DYDC2: variants seen among roughly 807,000 people sequenced by gnomAD.
DYDC2 encodes the protein DPY30 domain-containing protein 2.
DYDC2 carries 19 observed loss-of-function variants against 18.7 expected under a neutral mutation model. The ratio of observed to expected loss-of-function variants is 1.02; its 90% CI spans 0.71 to 1.49. The LOEUF (loss-of-function observed/expected upper bound fraction) is 1.49, where lower values mean the gene tolerates loss of function less well. Ranked by LOEUF, DYDC2 falls within the 40% of genes most tolerant of loss-of-function variation. DYDC2 has a pLI of 0.00. For missense variants in DYDC2, 179 were observed against 205.1 expected (o/e 0.87, Z 0.78); for synonymous variants, 63 against 67.6 (o/e 0.93, Z 0.34).
intron 1 of DYDC2, among the ~76,000 whole-genome samples, chr10:80,347,240 CTATT>C (rs1016153179): frequency 1.6e-5 from 2 of 122,090 alleles, no homozygotes; most frequent in African/African-American, 6.0e-5. Flanking sequence ...GGAGAAATGT[CTATT>C]TAGGTCCTTT....
upstream of DYDC2, chr10:80,356,448 G>A: frequency 1.0e-6 from 1 of 985,352 alleles, no homozygotes; most frequent in East Asian, 1.1e-4. Flanking sequence ...GCAACCTCCC[G>A]GGGCGCTCAG....
chr10:80,361,140 A>G (rs1352290426), intron 2 of DYDC2, among the ~76,000 whole-genome samples: 1 of 151,200 alleles, frequency 6.6e-6, no homozygotes, highest in African/African-American at 2.4e-5. Flanking sequence ...TGGCTGTTCA[A>G]TCTCCTTTGA....
chr10:80,347,648 T>A (rs1221274872), intron 1 of DYDC2, among the ~76,000 whole-genome samples: 2 of 152,194 alleles, frequency 1.3e-5, no homozygotes, highest in African/African-American at 4.8e-5. Context: ...AAGACAAGGA[T>A]CCAGTTTCAT....
intron 4 of DYDC2, 138 bp from the exon 5 acceptor site, chr10:80,366,550 T>C: frequency 9.6e-7 from 1 of 1,040,856 alleles, no homozygotes; most frequent in East Asian, 2.4e-5. Context: ...GGTTTGGTTT[T>C]ATGCTTTGTT....
upstream of DYDC2, among the ~76,000 whole-genome samples, chr10:80,354,031 G>C (rs1843179729): frequency 6.7e-6 from 1 of 149,550 alleles, no homozygotes; most frequent in Non-Finnish European, 1.5e-5. Context: ...CAGGAGAATG[G>C]GGTGAACCTG....
rs779606838 is a variant in DYDC2 at position 80,367,251 on chromosome 10, G to A, written c.*300G>A. ...GTTGGGGTGATCAGACCCAACACCC[G>A]GCCATGGGGGCTACAAAGTCCAGCC... is the stretch of plus-strand genomic sequence containing the variant. On this transcript the variant is annotated 3_prime_UTR_variant, in exon 5 of 5. Coordinates refer to ENST00000256039, the MANE Select transcript of DYDC2 (RefSeq NM_032372.6). 5.4e-5 allele frequency: 13 copies of A among 238,614 alleles called. No individual in the cohort carries two copies. Among genetic ancestry groups the A allele is most frequent in the African/African-American group, 2.0e-4 (9 of 44,102 alleles). 14.8% of individuals were successfully genotyped at this position (238,614 alleles called of 1,614,324 possible). A position where few individuals can be genotyped will look rare whatever the true frequency, so the allele number is the denominator to read the frequency against.
At position 80,367,033 on chromosome 10, in the gene DYDC2, G is replaced by C. The variant is rs1843860137; in HGVS notation, c.*82G>C. 6.6e-7 allele frequency: 1 copy of C among 1,518,488 alleles called. No individual in the cohort carries two copies. Among genetic ancestry groups the C allele is most frequent in the Non-Finnish European group, 8.8e-7 (1 of 1,138,438 alleles). 94.1% of individuals were successfully genotyped at this position (1,518,488 alleles called of 1,614,324 possible). A position where few individuals can be genotyped will look rare whatever the true frequency, so the allele number is the denominator to read the frequency against. On this transcript the variant is annotated 3_prime_UTR_variant, in exon 5 of 5. Coordinates refer to ENST00000256039, the MANE Select transcript of DYDC2 (RefSeq NM_032372.6). Reference sequence around the variant, plus strand: ...TGGCCAGCTAGAACCAAGATTTAAGGGGCTGTAAAAGGCAAGTTCAGGGAC... The same window carrying C: ...TGGCCAGCTAGAACCAAGATTTAAGCGGCTGTAAAAGGCAAGTTCAGGGAC...
intron 4 of DYDC2, 134 bp downstream of exon 4, chr10:80,363,207 G>C (rs1843715436): frequency 1.3e-6 from 1 of 784,572 alleles, no homozygotes. Context: ...ATATGTGCAA[G>C]TATTCACATA....
chr10:80,362,254 A>G (rs1160696250), intron 2 of DYDC2, among the ~76,000 whole-genome samples, 181 bp from the exon 3 acceptor site: 1 of 152,220 alleles, frequency 6.6e-6, no homozygotes. Flanking sequence ...AGGTTGTTTC[A>G]TGGCACAATC....
chr10:80,356,790 T>A lies in DYDC2; in HGVS notation c.-198T>A. 1.0e-6 allele frequency: 1 copy of A among 985,386 alleles called. No homozygotes were observed. The highest frequency in any genetic ancestry group is 1.2e-6 in the Non-Finnish European group (1 of 830,056). The allele number at this position is 985,386 out of a possible 1,614,324, so 61.0% of individuals were successfully genotyped here. A position where few individuals can be genotyped will look rare whatever the true frequency, so the allele number is the denominator to read the frequency against. On this transcript the variant is annotated 5_prime_UTR_variant, in exon 1 of 5. Transcript: ENST00000256039. ...CGAGAGCTCGCGCCTCAGGAGCCAG[T>A]GTAGGCGCCGCAAAGCGGAAGGGGC...
Position 80,363,075 on chromosome 10 carries a change from T to A in DYDC2, c.270+2T>A. ...CAGAACTGTGAAAAGTGTCACAAGG[T>A]AGGGAGAAGGACTCAGCTTTGGGTT... is the stretch of plus-strand genomic sequence containing the variant. On this transcript the variant is annotated splice_donor_variant, in intron 4 of 4. Coordinates refer to ENST00000256039, the MANE Select transcript of DYDC2 (RefSeq NM_032372.6). LOFTEE classifies it high-confidence loss of function. The A allele has an allele frequency of 6.2e-7, 1 of 1,610,712 alleles. No individual in the cohort carries two copies. Among genetic ancestry groups the A allele is most frequent in the Non-Finnish European group, 8.5e-7 (1 of 1,178,610 alleles).
chr10:80,350,129 C>T (rs1170946276), intron 1 of DYDC2, among the ~76,000 whole-genome samples: 1 of 152,232 alleles, frequency 6.6e-6, no homozygotes, highest in Non-Finnish European at 1.5e-5. Flanking sequence ...CACCAATCCA[C>T]TCCGCTAACT....
chr10:80,362,621 C>T, intron 3 of DYDC2, 31 bp downstream of exon 3: 1 of 1,562,760 alleles, frequency 6.4e-7, no homozygotes, highest in Non-Finnish European at 8.7e-7. Flanking sequence ...TTAGGGAGGG[C>T]CCAGCTTTCC....
At chr10:80,352,592 T>G (rs1333793745), upstream of DYDC2, 1 of 1,601,338 alleles carries the variant, frequency 6.2e-7, no homozygotes, top group Admixed American at 1.8e-5. Flanking sequence ...TGAAGATATA[T>G]TGACTCCATT....
At chr10:80,355,283 C>T (rs1843293049), upstream of DYDC2, among the ~76,000 whole-genome samples, 1 of 151,558 alleles carries the variant, frequency 6.6e-6, no homozygotes, top group African/African-American at 2.4e-5. Flanking sequence ...ATCCTGGGGT[C>T]CGTCCATAAC....
At chr10:80,348,311 A>T (rs1382775014) in intron 1 of DYDC2, among the ~76,000 whole-genome samples, 4 of 152,210 alleles carry the variant, frequency 2.6e-5, no homozygotes, top group Non-Finnish European at 4.4e-5. Context: ...ACTCCCAACC[A>T]CTATTATCAA....
intron 1 of DYDC2, among the ~76,000 whole-genome samples, chr10:80,350,060 C>A (rs1015485321): frequency 6.6e-6 from 1 of 152,104 alleles, no homozygotes; most frequent in African/African-American, 2.4e-5. Flanking sequence ...TTTTCTTCAT[C>A]TCAGCCACAC....
chr10:80,353,257 T>C (rs1843111750), upstream of DYDC2, among the ~76,000 whole-genome samples: 1 of 151,974 alleles, frequency 6.6e-6, no homozygotes, highest in Non-Finnish European at 1.5e-5. Context: ...CTTTTCAAGT[T>C]CACCTCCAGA....
upstream of DYDC2, chr10:80,356,650 G>C (rs555351881): frequency 2.5e-5 from 25 of 984,432 alleles, no homozygotes; most frequent in Non-Finnish European, 3.0e-5. Flanking sequence ...TCTGCCCGCC[G>C]GACCCAGCGA....
Sources: allele counts gnomAD v4.1 joint callset (sites outside exome capture counted in the v4.1 genomes callset), GRCh38; gene constraint gnomAD v4.1.1; transcripts MANE v1.5; gene names NCBI Gene and HGNC (gene_info 2026-07-23, HGNC 2026-07-21).